Variants in PHACTR1 observed in about 807,000 individuals in gnomAD.
PHACTR1 encodes the protein RPEL repeat containing 1.
In PHACTR1, 16 loss-of-function variants were observed where a neutral mutation model predicts 69.2. The ratio of observed to expected loss-of-function variants is 0.23; its 90% CI spans 0.16 to 0.35. The LOEUF is 0.35. PHACTR1 is among the 10% of genes least tolerant of loss of function. PHACTR1 has a pLI of 1.00. For missense variants in PHACTR1, 510 were observed against 734.7 expected (o/e 0.69, Z 3.54); for synonymous variants, 312 against 284.5 (o/e 1.10, Z -0.97).
At chr6:12,844,685 C>T (rs1351458059) in intron 4 of PHACTR1, among the ~76,000 whole-genome samples, 3 of 151,758 alleles carry the variant, frequency 2.0e-5, no homozygotes, top group Admixed American at 6.6e-5. Context: ...ATGGAACATC[C>T]GCCTTCTGGA....
chr6:12,844,123 A>G (rs1778959386), intron 4 of PHACTR1, among the ~76,000 whole-genome samples: 1 of 152,190 alleles, frequency 6.6e-6, no homozygotes. Flanking sequence ...GGCCAAGCGC[A>G]GTGGCTCATA....
At chr6:12,797,597 G>A (rs144113466) in intron 4 of PHACTR1, among the ~76,000 whole-genome samples, 189 of 152,264 alleles carry the variant, frequency 1.2e-3, no homozygotes, top group African/African-American at 4.3e-3. Context: ...CAGTACAGTG[G>A]GAGCATAGGG....
rs758812418 is a variant in PHACTR1 at position 13,205,903 on chromosome 6, G to C, written c.753G>C (p.Val251=). The change falls in exon 8 of 15, where the codon GTG becomes GTC. Residue 251 remains valine (V), a synonymous_variant. Transcript: ENST00000332995. The stretch of plus-strand genomic sequence containing the variant: ...AGAAAGTCATGATCTGTATGCCCGT[G>C]GGGGGGCCAGACCTCTCACTGGTGT... The part of the protein sequence containing the change: ...PPKKVMICMP[V]GGPDLSLVSY... 27 of 1,613,062 alleles carry C rather than the reference G, an allele frequency of 1.7e-5. No individual in the cohort carries two copies. The highest frequency in any genetic ancestry group is 2.2e-5 in the Non-Finnish European group (26 of 1,179,286).
intron 5 of PHACTR1, among the ~76,000 whole-genome samples, chr6:13,132,400 G>A (rs1195722914): frequency 6.6e-6 from 1 of 152,106 alleles, no homozygotes. Context: ...TCTAGAGACT[G>A]TGCCCTAGTT....
intron 4 of PHACTR1, among the ~76,000 whole-genome samples, chr6:12,946,299 C>T (rs1329021636): frequency 2.6e-5 from 4 of 151,774 alleles, no homozygotes. Context: ...AAGTTGGGTG[C>T]CATGCTAAAC....
At chr6:13,217,256 C>T (rs577741423) in intron 8 of PHACTR1, among the ~76,000 whole-genome samples, 1 of 152,298 alleles carries the variant, frequency 6.6e-6, no homozygotes, top group East Asian at 1.9e-4. Flanking sequence ...GGGAGGTGGG[C>T]ACCTAGGTTT....
At chr6:13,151,021 G>T (rs1465850401) in intron 5 of PHACTR1, among the ~76,000 whole-genome samples, 1 of 152,194 alleles carries the variant, frequency 6.6e-6, no homozygotes, top group Non-Finnish European at 1.5e-5. Context: ...GCATGTTCTA[G>T]GTTCTGGAGG....
intron 5 of PHACTR1, among the ~76,000 whole-genome samples, chr6:13,136,870 T>G (rs750469362): frequency 2.6e-5 from 4 of 152,180 alleles, no homozygotes; most frequent in Non-Finnish European, 5.9e-5. Flanking sequence ...TGGGTGTGAT[T>G]TGTGGCACCT....
At chr6:13,138,498 A>C (rs1280224351) in intron 5 of PHACTR1, among the ~76,000 whole-genome samples, 4 of 152,198 alleles carry the variant, frequency 2.6e-5, no homozygotes, top group Non-Finnish European at 4.4e-5. Flanking sequence ...TTATCTTCCT[A>C]GGGACATGGC....
intron 4 of PHACTR1, among the ~76,000 whole-genome samples, chr6:13,023,557 C>G (rs958392543): frequency 6.6e-6 from 1 of 152,224 alleles, no homozygotes; most frequent in South Asian, 2.1e-4. Context: ...CCCGTTCTTT[C>G]GTTCTCATTT....
At chr6:12,880,314 C>T (rs191836418) in intron 4 of PHACTR1, among the ~76,000 whole-genome samples, 329 of 151,644 alleles carry the variant, frequency 2.2e-3, no homozygotes, top group African/African-American at 7.4e-3. Context: ...GCAGCCTTGA[C>T]CTTCCTGGCT....
chr6:13,262,635 T>G (rs913825373), intron 10 of PHACTR1, among the ~76,000 whole-genome samples: 1 of 152,154 alleles, frequency 6.6e-6, no homozygotes, highest in Non-Finnish European at 1.5e-5. Flanking sequence ...ATGGAACTCA[T>G]AGGTTCTCAG....
At chr6:12,893,909 T>C (rs1345531628) in intron 4 of PHACTR1, among the ~76,000 whole-genome samples, 1 of 152,218 alleles carries the variant, frequency 6.6e-6, no homozygotes, top group Non-Finnish European at 1.5e-5. Flanking sequence ...TGATGTCAGC[T>C]GCACTCTCTG....
chr6:12,910,089 T>A (rs1015527341), intron 4 of PHACTR1, among the ~76,000 whole-genome samples: 3 of 152,150 alleles, frequency 2.0e-5, no homozygotes, highest in African/African-American at 7.2e-5. Context: ...GCTCTTCAAT[T>A]CTGTGTAGAT....
intron 4 of PHACTR1, among the ~76,000 whole-genome samples, chr6:12,982,430 C>A (rs938809961): frequency 6.6e-6 from 1 of 152,198 alleles, no homozygotes; most frequent in Non-Finnish European, 1.5e-5. Flanking sequence ...CCTGTAATCC[C>A]AATACTTTGG....
chr6:13,115,577 A>G (rs564625323), intron 5 of PHACTR1, among the ~76,000 whole-genome samples: 2 of 152,242 alleles, frequency 1.3e-5, no homozygotes, highest in South Asian at 4.1e-4. Context: ...GTCTCAGGAA[A>G]CAGGAATGAG....
At chr6:12,787,475 A>G (rs1467817246) in intron 4 of PHACTR1, among the ~76,000 whole-genome samples, 1 of 152,170 alleles carries the variant, frequency 6.6e-6, no homozygotes, top group Non-Finnish European at 1.5e-5. Flanking sequence ...CCAAGATTGG[A>G]AAAGTTCTGA....
At chr6:13,079,296 C>T (rs1021559606) in intron 5 of PHACTR1, among the ~76,000 whole-genome samples, 14 of 152,118 alleles carry the variant, frequency 9.2e-5, no homozygotes. Flanking sequence ...TCACAAGGAG[C>T]TCTGCCCTGG....
intron 4 of PHACTR1, among the ~76,000 whole-genome samples, chr6:12,787,830 C>A (rs1771727064): frequency 6.6e-6 from 1 of 152,156 alleles, no homozygotes; most frequent in Non-Finnish European, 1.5e-5. Context: ...TTCCAGAGGG[C>A]ACTTGGGGCC....
Sources: allele counts gnomAD v4.1 joint callset (sites outside exome capture counted in the v4.1 genomes callset), GRCh38; gene constraint gnomAD v4.1.1; transcripts MANE v1.5; gene names NCBI Gene and HGNC (gene_info 2026-07-23, HGNC 2026-07-21).